The following RAP1GAP2 variants were observed in gnomAD, a reference collection of about 807,000 sequenced individuals.
RAP1GAP2 encodes the protein RAP1 GTPase activating protein 2, also known as rap1 GTPase-activating protein 2.
Under a neutral mutation model 95.0 loss-of-function variants are expected in RAP1GAP2, and 27 were observed. That is an observed-to-expected ratio of 0.28 (90% CI 0.21 to 0.39). The LOEUF (loss-of-function observed/expected upper bound fraction) is 0.39. RAP1GAP2 is among the 10% of genes least tolerant of loss of function. RAP1GAP2 has a pLI of 1.00. For missense variants in RAP1GAP2, 771 were observed against 970.0 expected (o/e 0.79, Z 2.72); for synonymous variants, 373 against 380.9 (o/e 0.98, Z 0.24).
chr17:2,802,464 C>G (rs1026089156), intron 2 of RAP1GAP2, among the ~76,000 whole-genome samples: 4 of 152,136 alleles, frequency 2.6e-5, no homozygotes, highest in Admixed American at 2.0e-4. Context: ...AATCCCAGTA[C>G]TTTGGGAGGC....
At chr17:2,830,902 A>T (rs56114563) in intron 2 of RAP1GAP2, among the ~76,000 whole-genome samples, 1 of 145,006 alleles carries the variant, frequency 6.9e-6, no homozygotes, top group Non-Finnish European at 1.5e-5. Context: ...CTTTATTCAC[A>T]TGTAAGATGA....
intron 2 of RAP1GAP2, among the ~76,000 whole-genome samples, chr17:2,874,921 G>C (rs2073024597): frequency 6.6e-6 from 1 of 152,166 alleles, no homozygotes; most frequent in Non-Finnish European, 1.5e-5. Context: ...TCTCCATTTT[G>C]CTCATGACTG....
rs536783533 is a variant in RAP1GAP2 at position 3,005,310 on chromosome 17, C to T, written c.1201-59C>T. The T allele has an allele frequency of 3.5e-5, 53 of 1,517,966 alleles. No homozygotes were observed. Among genetic ancestry groups the T allele is most frequent in the South Asian group, 2.1e-4 (19 of 89,176 alleles). 94.0% of individuals were successfully genotyped at this position (1,517,966 alleles called of 1,614,324 possible). Reference sequence around the variant, plus strand: ...GTAGCTTTGTAAGGAGCGTGGCTCCCGTAGGGGCAGCGCTCGTCTCTTCCC... The same window carrying T: ...GTAGCTTTGTAAGGAGCGTGGCTCCTGTAGGGGCAGCGCTCGTCTCTTCCC... On this transcript the variant is annotated intron_variant, in intron 14 of 24. Coordinates refer to ENST00000254695, the MANE Select transcript of RAP1GAP2 (RefSeq NM_015085.5). This position sits in a 1 kb window ranked among gnomAD's most constrained non-coding sequence, Gnocchi z 5.2.
chr17:2,898,127 G>T (rs201516563), intron 2 of RAP1GAP2, among the ~76,000 whole-genome samples: 1 of 152,036 alleles, frequency 6.6e-6, no homozygotes, highest in East Asian at 1.9e-4. Flanking sequence ...TGCCCAGGTT[G>T]GTCTTGAACT....
chr17:3,005,461 C>A lies in RAP1GAP2; in HGVS notation c.1272+21C>A, dbSNP rs1486642908. On this transcript the variant is annotated intron_variant, in intron 15 of 24. Transcript: ENST00000254695. This position sits in a 1 kb window ranked among gnomAD's most constrained non-coding sequence, Gnocchi z 5.2. ...AGAAGGTAGGACACTCTTCCTTCTGCCCCTCTCGCATCCACGATGCCAGGT... is the reference window on the plus strand; with the variant it reads ...AGAAGGTAGGACACTCTTCCTTCTGACCCTCTCGCATCCACGATGCCAGGT... 1.1e-5 allele frequency: 17 copies of A among 1,599,618 alleles called. No homozygotes were observed. Among genetic ancestry groups the A allele is most frequent in the Non-Finnish European group, 1.4e-5 (16 of 1,166,966 alleles).
At position 3,029,061 on chromosome 17, in the gene RAP1GAP2, G is replaced by T. The variant is rs2047213521; in HGVS notation, c.2108-1861G>T. Among the ~76,000 whole-genome samples the T allele has an allele frequency of 6.6e-6, 1 of 152,172 alleles. No homozygotes were observed. Among genetic ancestry groups the T allele is most frequent in the Admixed American group, 6.6e-5 (1 of 15,266 alleles). On this transcript the variant is annotated intron_variant, in intron 22 of 24. Coordinates refer to ENST00000254695, the MANE Select transcript of RAP1GAP2 (RefSeq NM_015085.5). The surrounding 1 kb of genome is among the most constrained non-coding windows in gnomAD (Gnocchi z 4.4). ...GATCCACCCACCTCGGCCTCCCAAAGTGCTGGGATTACAGGCGTGAGCCAC... is the reference window on the plus strand; with the variant it reads ...GATCCACCCACCTCGGCCTCCCAAATTGCTGGGATTACAGGCGTGAGCCAC...
At chr17:2,819,167 C>T (rs533099885) in intron 2 of RAP1GAP2, among the ~76,000 whole-genome samples, 4 of 151,690 alleles carry the variant, frequency 2.6e-5, no homozygotes, top group South Asian at 2.1e-4. Flanking sequence ...TACAGGCGCC[C>T]GCTACCACAC....
At chr17:3,018,594 C>A (rs1408787033) in intron 18 of RAP1GAP2, among the ~76,000 whole-genome samples, 1 of 152,126 alleles carries the variant, frequency 6.6e-6, no homozygotes, top group African/African-American at 2.4e-5. Context: ...CAGCAGTAGC[C>A]ACCCCAGCTT....
intron 3 of RAP1GAP2, among the ~76,000 whole-genome samples, chr17:2,928,512 T>C (rs1461124745): frequency 6.6e-6 from 1 of 151,968 alleles, no homozygotes. Flanking sequence ...TGCCTTCTGC[T>C]CAGATGAGCA....
chr17:2,873,811 G>A (rs1031101308), intron 2 of RAP1GAP2, among the ~76,000 whole-genome samples: 1 of 152,038 alleles, frequency 6.6e-6, no homozygotes, highest in East Asian at 1.9e-4. Flanking sequence ...TGCTCAGGCT[G>A]GAGTGCAGTG....
chr17:2,921,793 G>T (rs752473100), intron 3 of RAP1GAP2, among the ~76,000 whole-genome samples: 1 of 151,674 alleles, frequency 6.6e-6, no homozygotes, highest in Admixed American at 6.6e-5. Context: ...CCAGAGGCTC[G>T]AGGGGAAGCT....
intron 23 of RAP1GAP2, 106 bp from the exon 24 acceptor site, chr17:3,032,305 T>C: frequency 3.0e-6 from 4 of 1,339,204 alleles, no homozygotes; most frequent in Non-Finnish European, 4.3e-6. Context: ...CCTGAATCCC[T>C]TCCTGAGCTC....
intron 2 of RAP1GAP2, among the ~76,000 whole-genome samples, chr17:2,878,801 G>A (rs1597493595): frequency 6.6e-6 from 1 of 152,340 alleles, no homozygotes; most frequent in South Asian, 2.1e-4. Context: ...GGTGGACTCA[G>A]GCAAACCTGG....
At chr17:2,800,166 C>T (rs989173552) in intron 1 of RAP1GAP2, 29 of 985,218 alleles carry the variant, frequency 2.9e-5, no homozygotes, top group South Asian at 4.7e-5. Flanking sequence ...CGAGGGTAGC[C>T]GTAATAAAGG....
At chr17:2,984,925 C>T in intron 10 of RAP1GAP2, 58 bp from the exon 11 acceptor site, 1 of 1,596,636 alleles carries the variant, frequency 6.3e-7, no homozygotes, top group South Asian at 1.1e-5. Flanking sequence ...CATGTGCTTC[C>T]TCACTTGCTT....
chr17:2,781,719 C>G (rs112162582), intron 1 of RAP1GAP2, among the ~76,000 whole-genome samples: 2,508 of 99,644 alleles, frequency 0.025, 59 homozygotes, highest in South Asian at 0.04. Context: ...TGTGTGAGCA[C>G]GTCTCTGTGT....
In RAP1GAP2 at chr17:2,797,118, A is replaced by G. The variant is rs1316961519; in HGVS notation, c.44+547A>G. On this transcript the variant is annotated intron_variant, in intron 1 of 24. Transcript: ENST00000254695. This position sits in a 1 kb window ranked among gnomAD's most constrained non-coding sequence, Gnocchi z 5.6. Reference sequence around the variant, plus strand: ...TGTGCTGTTGTTGTGGCCTTGTGGCAGGGGAGTCTGTACCTGCTGGACCTC... The same window carrying G: ...TGTGCTGTTGTTGTGGCCTTGTGGCGGGGGAGTCTGTACCTGCTGGACCTC... Among the ~76,000 whole-genome samples, 1 of 151,696 alleles carries G rather than the reference A, an allele frequency of 6.6e-6. No individual in the cohort carries two copies. The highest frequency in any genetic ancestry group is 1.5e-5 in the Non-Finnish European group (1 of 67,930).
At position 3,012,093 on chromosome 17, in the gene RAP1GAP2, G is replaced by A. The variant is rs77352104; in HGVS notation, c.1494+3948G>A. Among the ~76,000 whole-genome samples, 25 of 152,208 alleles carry A rather than the reference G, an allele frequency of 1.6e-4. No homozygotes were observed. In the East Asian group the frequency reaches 3.5e-3, roughly 21 times the overall value. On this transcript the variant is annotated intron_variant, in intron 17 of 24. Transcript: ENST00000254695. ...GCCTGCCATTGCCCTGTGTTGTGCC[G>A]CCTGGCACCTCACCCCGCTTGGAGC...
intron 2 of RAP1GAP2, among the ~76,000 whole-genome samples, chr17:2,901,352 C>A (rs1287924686): frequency 6.6e-6 from 1 of 152,152 alleles, no homozygotes; most frequent in African/African-American, 2.4e-5. Context: ...TCTTCTCTTC[C>A]TCTGGCTTCT....
Sources: gnomAD v4.1 joint callset for allele counts (sites outside exome capture counted in the v4.1 genomes callset) on GRCh38, gnomAD v4.1.1 for gene constraint, Gnocchi (gnomAD v3.1) non-coding constraint, MANE v1.5 for transcripts, NCBI Gene and HGNC (gene_info 2026-07-23, HGNC 2026-07-21) for gene names.